BRCA1: variants seen among roughly 807,000 people sequenced by gnomAD.
BRCA1 encodes the protein BRCA1 DNA repair associated.
A neutral mutation model predicts 173.7 loss-of-function variants in BRCA1; 140 were observed. The observed-to-expected ratio is 0.81, with a 90% CI of 0.70 to 0.93. The LOEUF is 0.93. Ranked by LOEUF, BRCA1 falls within the 40% of genes least tolerant of loss-of-function variation. BRCA1 has a pLI of 0.00. For synonymous variants in BRCA1, 662 were observed against 756.0 expected, an observed-to-expected ratio of 0.88 and a Z score of 2.04; for missense variants, 1,983 against 2,172.5, an observed-to-expected ratio of 0.91 and a Z score of 1.73.
rs876660509 is a variant in BRCA1 at position 43,070,968 on chromosome 17, C to A, written c.4946G>T (p.Arg1649Ile). 6.2e-7 allele frequency: 1 copy of A among 1,614,240 alleles called. No individual in the cohort carries two copies. Among genetic ancestry groups the A allele is most frequent in the South Asian group, 1.1e-5 (1 of 91,086 alleles). ...CAGGCCAGACACCACCATGGACATT[C>A]TTTTGTTGACCCTTTCTGTTGAAGC... is the stretch of plus-strand genomic sequence containing the variant. ...LTASTERVNK[R>I]MSMVVSGLTP... The change falls in exon 15 of 23, where the codon AGA (arginine) becomes ATA (isoleucine). Residue 1649 changes from arginine to isoleucine, a missense_variant. By Grantham distance (97) the Arg-to-Ile change is moderately conservative (BLOSUM62 -3). Coordinates refer to ENST00000357654, the MANE Select transcript of BRCA1 (RefSeq NM_007294.4).
intron 18 of BRCA1, among the ~76,000 whole-genome samples, chr17:43,060,957 C>T (rs1025080093): frequency 1.3e-5 from 2 of 152,026 alleles, no homozygotes; most frequent in African/African-American, 4.8e-5. Flanking sequence ...AAAACCCCAT[C>T]TCTACTAAAA....
chr17:43,082,722 C>T lies in BRCA1; in HGVS notation c.4186-147G>A, dbSNP rs1200891546. On this transcript the variant is annotated intron_variant, in intron 11 of 22. Coordinates refer to ENST00000357654, the MANE Select transcript of BRCA1 (RefSeq NM_007294.4). ...AAGTTCTAGCTGAACACCTTTTAAT[C>T]TAACCACATTCATGCAATTAATGCC... 4.7e-6 allele frequency: 4 copies of T among 848,404 alleles called. No homozygotes were observed. In the African/African-American group the frequency reaches 6.7e-5, roughly 14 times the overall value. 52.6% of individuals were successfully genotyped at this position (848,404 alleles called of 1,614,324 possible).
intron 1 of BRCA1, among the ~76,000 whole-genome samples, chr17:43,149,877 C>T (rs1313411649): frequency 6.6e-6 from 1 of 152,130 alleles, no homozygotes; most frequent in Non-Finnish European, 1.5e-5. Flanking sequence ...CATCCTCCGC[C>T]TCCTGGGTTC....
In BRCA1 at chr17:43,092,198, T is replaced by C; in HGVS notation, c.3333A>G (p.Gln1111=). The C allele has an allele frequency of 6.2e-7, 1 of 1,613,294 alleles. No homozygotes were observed. The highest frequency in any genetic ancestry group is 8.5e-7 in the Non-Finnish European group (1 of 1,179,952). ...CAGTCTGAACTACTTCTTCATATTC[T>C]TGCTTTTTTATTTCAGGATGCTTAC... ...SNCKHPEIKK[Q]EYEEVVQTVN... The change falls in exon 10 of 23, where the codon CAA becomes CAG. Residue 1111 remains glutamine, a synonymous_variant. Transcript: ENST00000357654.
chr17:43,103,204 C>T (rs538461450), intron 6 of BRCA1, among the ~76,000 whole-genome samples: 4 of 152,220 alleles, frequency 2.6e-5, no homozygotes, highest in East Asian at 1.9e-4. Context: ...TGGTGGCTCA[C>T]GCCTGTAATC....
intron 19 of BRCA1, among the ~76,000 whole-genome samples, chr17:43,053,244 T>C (rs1038344183): frequency 4.6e-5 from 7 of 152,288 alleles, no homozygotes; most frequent in African/African-American, 1.7e-4. Context: ...ATGCTCATAA[T>C]GCTAGAAGTT....
intron 11 of BRCA1, among the ~76,000 whole-genome samples, chr17:43,085,736 G>C (rs2053204185): frequency 6.6e-6 from 1 of 152,102 alleles, no homozygotes; most frequent in African/African-American, 2.4e-5. Context: ...GCAGAATGTG[G>C]CTAATTCTAA....
intron 1 of BRCA1, among the ~76,000 whole-genome samples, chr17:43,137,839 T>C (rs567003874): frequency 3.5e-4 from 53 of 151,824 alleles, no homozygotes; most frequent in African/African-American, 1.3e-3. Context: ...ATCATGCTAC[T>C]GCACTCCAGC....
At chr17:43,057,013 G>A (rs762779289) in intron 19 of BRCA1, 39 bp downstream of exon 19, 3 of 1,578,926 alleles carry the variant, frequency 1.9e-6, no homozygotes, top group Non-Finnish European at 2.6e-6. Flanking sequence ...ACAGAGTGGT[G>A]GGGTGAGATT....
chr17:43,110,239 G>C (rs950503381), intron 3 of BRCA1, among the ~76,000 whole-genome samples: 1 of 152,044 alleles, frequency 6.6e-6, no homozygotes, highest in African/African-American at 2.4e-5. Flanking sequence ...TATAAAGGTT[G>C]TTAACTAAAC....
In BRCA1 at chr17:43,115,759, G is replaced by C. The variant is rs786203319; in HGVS notation, c.101C>G (p.Pro34Arg). The C allele has an allele frequency of 1.2e-6, 2 of 1,613,658 alleles. No homozygotes were observed. The highest frequency in any genetic ancestry group is 1.7e-6 in the Non-Finnish European group (2 of 1,179,798). Residue 34 changes from proline to arginine, a missense_variant, in exon 3 of 23, where the codon CCT (proline) becomes CGT (arginine). Coordinates refer to ENST00000357654, the MANE Select transcript of BRCA1 (RefSeq NM_007294.4). ...CPICLELIKE[P>R]VSTKCDHIFC... ...TATGTGGTCACACTTTGTGGAGACA[G>C]GTTCCTTGATCAACTCCAGACTAGC...
rs8176090 is a variant in BRCA1 at position 43,118,401 on chromosome 17, G to C, written c.81-2622C>G. ...TAATTTTCTTTTTTTTTTTCAGACAGAGTCTCGTTCTGTCGCCCAGGCTGG... is the reference window on the plus strand; with the variant it reads ...TAATTTTCTTTTTTTTTTTCAGACACAGTCTCGTTCTGTCGCCCAGGCTGG... On this transcript the variant is annotated intron_variant, in intron 2 of 22. Coordinates refer to ENST00000357654, the MANE Select transcript of BRCA1 (RefSeq NM_007294.4). Among the ~76,000 whole-genome samples the C allele has an allele frequency of 0.045, 6,741 of 151,220 alleles. 536 individuals are homozygous for C. The highest frequency in any genetic ancestry group is 0.15 in the African/African-American group (6,365 of 41,158).
chr17:43,166,981 A>G (rs2154581773), intron 1 of BRCA1: 1 of 152,370 alleles, frequency 6.6e-6, no homozygotes, highest in African/African-American at 2.4e-5. Flanking sequence ...TACTCTTACC[A>G]AGTTTTAGAT....
At position 43,095,845 on chromosome 17, in the gene BRCA1, C is replaced by T. The variant is rs398122706; in HGVS notation, c.670+1G>A. On this transcript the variant is annotated splice_donor_variant, in intron 9 of 22. Coordinates refer to ENST00000357654, the MANE Select transcript of BRCA1 (RefSeq NM_007294.4). LOFTEE classifies it high-confidence loss of function. The stretch of plus-strand genomic sequence containing the variant: ...GTTAAGTTGGCAAACTTTGCCATTA[C>T]CCTTTTTTGCAGAATCCAAACTGAT... The T allele has an allele frequency of 1.9e-6, 3 of 1,612,646 alleles. No individual in the cohort carries two copies. The highest frequency in any genetic ancestry group is 2.5e-6 in the Non-Finnish European group (3 of 1,178,948).
chr17:43,168,183 G>A, intron 1 of BRCA1: 1 of 410,280 alleles, frequency 2.4e-6, no homozygotes, highest in Non-Finnish European at 5.0e-6. Flanking sequence ...ATTGGACACT[G>A]TAAGATTTTC....
intron 6 of BRCA1, among the ~76,000 whole-genome samples, chr17:43,100,819 C>T (rs778659819): frequency 8.9e-5 from 13 of 145,752 alleles, no homozygotes; most frequent in Non-Finnish European, 1.5e-4. Context: ...GCAACCTCCA[C>T]CTCCCTGGTT....
intron 15 of BRCA1, among the ~76,000 whole-genome samples, chr17:43,068,658 G>A (rs1597827865): frequency 6.6e-6 from 1 of 152,104 alleles, no homozygotes; most frequent in East Asian, 1.9e-4. Flanking sequence ...ACACTCTACT[G>A]TACTATAAAT....
chr17:43,119,242 C>G (rs1320710992), intron 2 of BRCA1: 1 of 210,068 alleles, frequency 4.8e-6, no homozygotes, highest in African/African-American at 2.3e-5. Context: ...CAAGGCGGGC[C>G]AGCCTGGGTG....
chr17:43,053,964 C>G (rs532899955), intron 19 of BRCA1, among the ~76,000 whole-genome samples: 3 of 148,348 alleles, frequency 2.0e-5, no homozygotes, highest in African/African-American at 7.5e-5. Flanking sequence ...AGCAAAGCTT[C>G]GTCTTAAAAA....
Sources: allele counts gnomAD v4.1 joint callset (sites outside exome capture counted in the v4.1 genomes callset), GRCh38; gene constraint gnomAD v4.1.1; transcripts MANE v1.5; gene names NCBI Gene and HGNC (gene_info 2026-07-23, HGNC 2026-07-21).